Variants in CADM2 observed in about 807,000 individuals in gnomAD.
CADM2 encodes immunoglobulin superfamily member 4D.
In CADM2, 12 loss-of-function variants were observed where a neutral mutation model predicts 49.8. The observed-to-expected ratio is 0.24, with a 90% CI of 0.15 to 0.39. The LOEUF (loss-of-function observed/expected upper bound fraction) is 0.39. CADM2 is among the 10% of genes least tolerant of loss of function. The pLI, the probability that CADM2 is intolerant of heterozygous loss-of-function variation, is 1.00. For missense variants in CADM2, 378 were observed against 492.3 expected, an observed-to-expected ratio of 0.77 and a Z score of 2.20; for synonymous variants, 214 against 175.4, an observed-to-expected ratio of 1.22 and a Z score of -1.74.
intron 8 of CADM2, among the ~76,000 whole-genome samples, chr3:86,030,108 A>G (rs7615721): frequency 0.032 from 4,895 of 152,108 alleles, 152 homozygotes; most frequent in African/African-American, 0.077. Context: ...AGCTTGAAAA[A>G]GACCACTTGA....
intron 1 of CADM2, among the ~76,000 whole-genome samples, chr3:85,212,887 TCTTTC>T (rs2041832001): frequency 9.2e-6 from 1 of 108,714 alleles, no homozygotes; most frequent in African/African-American, 4.4e-5. Context: ...TCTTTCTTTC[TCTTTC>T]TTTCTTTTAA....
At chr3:85,017,632 C>A (rs1289831275) in intron 1 of CADM2, among the ~76,000 whole-genome samples, 1 of 152,150 alleles carries the variant, frequency 6.6e-6, no homozygotes, top group East Asian at 1.9e-4. Context: ...GCCAACCACG[C>A]TTTCATACAG....
intron 1 of CADM2, among the ~76,000 whole-genome samples, chr3:85,416,011 C>T (rs1441791426): frequency 6.6e-6 from 1 of 152,004 alleles, no homozygotes; most frequent in Non-Finnish European, 1.5e-5. Context: ...TAAAATAGAA[C>T]TCCCCAGAGG....
intron 8 of CADM2, chr3:85,994,799 A>G (rs941962888): frequency 6.6e-6 from 1 of 152,148 alleles, no homozygotes; most frequent in African/African-American, 2.4e-5. Flanking sequence ...TTGCCTTCCT[A>G]TATGAGCATG....
chr3:85,505,263 A>G lies in CADM2; in HGVS notation c.62-221259A>G, dbSNP rs963991662. Among the ~76,000 whole-genome samples the G allele has an allele frequency of 8.5e-5, 13 of 152,238 alleles. 1 individual carries two copies. The highest frequency in any genetic ancestry group is 5.2e-4 in the Admixed American group (8 of 15,286). ...CAATATCACAAGTGTAAGAAAGGTTATTGTTTTATGTAACTTGTGTTTCAG... is the reference window on the plus strand; with the variant it reads ...CAATATCACAAGTGTAAGAAAGGTTGTTGTTTTATGTAACTTGTGTTTCAG... On this transcript the variant is annotated intron_variant, in intron 1 of 9. Coordinates refer to ENST00000383699, the MANE Select transcript of CADM2 (RefSeq NM_001167675.2).
chr3:85,269,683 G>A (rs2043194204), intron 1 of CADM2, among the ~76,000 whole-genome samples: 1 of 151,218 alleles, frequency 6.6e-6, no homozygotes, highest in South Asian at 2.1e-4. Context: ...AGATCACTAT[G>A]TTCTATGTGA....
At chr3:85,251,628 T>C (rs188894258) in intron 1 of CADM2, among the ~76,000 whole-genome samples, 84 of 152,116 alleles carry the variant, frequency 5.5e-4, no homozygotes, top group African/African-American at 2.0e-3. Flanking sequence ...ATCTGAATTT[T>C]CATTCTTTCT....
intron 1 of CADM2, among the ~76,000 whole-genome samples, chr3:85,594,163 C>T (rs1197658966): frequency 6.6e-6 from 1 of 151,640 alleles, no homozygotes; most frequent in Non-Finnish European, 1.5e-5. Context: ...ATATTGTTAA[C>T]CTGAGAATAG....
intron 1 of CADM2, among the ~76,000 whole-genome samples, chr3:85,278,760 G>A (rs1045840716): frequency 7.8e-6 from 1 of 128,960 alleles, no homozygotes; most frequent in African/African-American, 2.9e-5. Context: ...GTGTGTGTGT[G>A]TTGGTAGTTT....
intron 1 of CADM2, among the ~76,000 whole-genome samples, chr3:85,505,501 T>G (rs1159339113): frequency 6.6e-6 from 1 of 152,206 alleles, no homozygotes; most frequent in Non-Finnish European, 1.5e-5. Flanking sequence ...GTGGAGGTTC[T>G]GAAACATACA....
intron 8 of CADM2, among the ~76,000 whole-genome samples, chr3:85,990,503 G>A (rs1458180866): frequency 3.3e-5 from 5 of 152,234 alleles, no homozygotes; most frequent in African/African-American, 4.8e-5. Context: ...TGCAGGCTGC[G>A]TTGGGAAAAG....
chr3:85,511,776 C>A, intron 1 of CADM2: 1 of 465,562 alleles, frequency 2.1e-6, no homozygotes, highest in Non-Finnish European at 2.8e-6. Flanking sequence ...TGTAATCCAC[C>A]ATCTCTCATT....
At chr3:85,769,810 A>G (rs915382681) in intron 2 of CADM2, among the ~76,000 whole-genome samples, 6 of 151,464 alleles carry the variant, frequency 4.0e-5, no homozygotes, top group African/African-American at 1.5e-4. Flanking sequence ...AGTAGAAAAT[A>G]TAGTATTTTG....
chr3:85,011,834 T>C (rs917369404), intron 1 of CADM2, among the ~76,000 whole-genome samples: 3 of 151,926 alleles, frequency 2.0e-5, no homozygotes, highest in Non-Finnish European at 4.4e-5. Flanking sequence ...TGCATGCCAC[T>C]GCACTACAAC....
At chr3:85,634,319 G>C (rs2064395256) in intron 1 of CADM2, among the ~76,000 whole-genome samples, 1 of 151,922 alleles carries the variant, frequency 6.6e-6, no homozygotes, top group African/African-American at 2.4e-5. Context: ...GCTTCATATA[G>C]GTGTATATTT....
chr3:85,040,964 T>G (rs1337202673), intron 1 of CADM2, among the ~76,000 whole-genome samples: 1 of 152,190 alleles, frequency 6.6e-6, no homozygotes, highest in African/African-American at 2.4e-5. Flanking sequence ...TATCATATTT[T>G]AATCTATTTT....
At chr3:85,188,238 A>G (rs1056577448) in intron 1 of CADM2, among the ~76,000 whole-genome samples, 2 of 152,074 alleles carry the variant, frequency 1.3e-5, no homozygotes, top group African/African-American at 4.8e-5. Flanking sequence ...TTGACAGCTT[A>G]TGCATTCTTA....
At chr3:85,076,472 T>C (rs1413650680) in intron 1 of CADM2, among the ~76,000 whole-genome samples, 1 of 151,828 alleles carries the variant, frequency 6.6e-6, no homozygotes, top group Non-Finnish European at 1.5e-5. Context: ...CTCAGCCTCC[T>C]GAGTAGCTGG....
intron 1 of CADM2, among the ~76,000 whole-genome samples, chr3:85,328,665 T>C (rs1039797459): frequency 1.3e-5 from 2 of 152,154 alleles, no homozygotes; most frequent in African/African-American, 4.8e-5. Context: ...TGTTGCAAGC[T>C]CAAATCACCA....
Sources: allele counts gnomAD v4.1 joint callset (sites outside exome capture counted in the v4.1 genomes callset), GRCh38; gene constraint gnomAD v4.1.1; transcripts MANE v1.5; gene names NCBI Gene and HGNC (gene_info 2026-07-23, HGNC 2026-07-21).